The following BIN2 variants were observed in gnomAD, a reference collection of about 807,000 sequenced individuals.
BIN2 encodes bridging integrator 2, also known as breast cancer associated protein BRAP1.
Under a neutral mutation model 67.9 loss-of-function variants are expected in BIN2, and 43 were observed. The observed-to-expected ratio is 0.63, with a 90% CI of 0.50 to 0.82. The LOEUF (loss-of-function observed/expected upper bound fraction) is 0.82. Ranked by LOEUF, BIN2 falls within the 40% of genes least tolerant of loss-of-function variation. BIN2 has a pLI of 0.00. For synonymous variants in BIN2, 244 were observed against 246.8 expected (o/e 0.99, Z 0.11); for missense variants, 581 against 671.6 (o/e 0.87, Z 1.49).
chr12:51,321,404 CT>C (rs879721709), intron 1 of BIN2, among the ~76,000 whole-genome samples: 139 of 144,964 alleles, frequency 9.6e-4, no homozygotes, highest in Middle Eastern at 3.6e-3. Context: ...ATCACTTTGT[CT>C]TTTTTTTTTT....
chr12:51,287,231 G>C lies in BIN2; in HGVS notation c.1596+877C>G, dbSNP rs545131325. On this transcript the variant is annotated intron_variant, in intron 11 of 12. Coordinates refer to ENST00000615107, the MANE Select transcript of BIN2 (RefSeq NM_016293.4). ...ACAGGTGTGATCGTAGCATACTACA[G>C]TGTCGAACACCTGGGCTCAAGTGAT... 1.7e-3 allele frequency among the ~76,000 whole-genome samples: 260 copies of C among 152,168 alleles called. 5 individuals carry two copies. In the South Asian group the frequency reaches 0.052, roughly 30 times the overall value.
At chr12:51,323,723 T>C (rs542304661) in intron 1 of BIN2, among the ~76,000 whole-genome samples, 56 of 152,382 alleles carry the variant, frequency 3.7e-4, no homozygotes, top group Non-Finnish European at 7.1e-4. Flanking sequence ...CTTCCTTTCT[T>C]TCACCTTTTC....
At chr12:51,299,095 G>A (rs1945648630) in intron 7 of BIN2, 108 bp downstream of exon 7, 3 of 653,022 alleles carry the variant, frequency 4.6e-6, no homozygotes, top group Admixed American at 3.4e-5. Context: ...AAAAGGGGGC[G>A]GGGCAGTGTG....
chr12:51,320,472 T>C (rs1946241843), intron 1 of BIN2, among the ~76,000 whole-genome samples: 1 of 152,184 alleles, frequency 6.6e-6, no homozygotes. Context: ...CTGGCACTTC[T>C]CAGCTAGAAT....
Position 51,291,931 on chromosome 12 carries a change from C to T in BIN2, c.1175G>A (p.Arg392His), listed in dbSNP as rs146877980. 6.3e-5 allele frequency: 101 copies of T among 1,614,144 alleles called. No individual in the cohort carries two copies. In the African/African-American group the frequency reaches 1.1e-3, roughly 17 times the overall value. The change falls in exon 10 of 13, where the codon CGC becomes CAC. Residue 392 changes from arginine (R) to histidine (H), a missense_variant. Coordinates refer to ENST00000615107, the MANE Select transcript of BIN2 (RefSeq NM_016293.4). The part of the protein sequence containing the change: ...SSATEVVLRT[R>H]TASEGSEQPK... ...TTGTTCAGATCCTTCACTTGCGGTG[C>T]GGGTTCGGAGGACTACTTCTGTGGC...
chr12:51,316,453 G>A (rs1946136253), intron 1 of BIN2, among the ~76,000 whole-genome samples: 1 of 151,940 alleles, frequency 6.6e-6, no homozygotes, highest in Admixed American at 6.6e-5. Context: ...CCAAGATTGT[G>A]TCACTGCACT....
intron 12 of BIN2, among the ~76,000 whole-genome samples, chr12:51,282,238 G>A (rs1945134045): frequency 7.2e-6 from 1 of 139,418 alleles, no homozygotes; most frequent in East Asian, 2.2e-4. Context: ...TGTATGTTGT[G>A]TATATGTGTG....
At chr12:51,288,334 G>C (rs917802078) in intron 10 of BIN2, 146 bp from the exon 11 acceptor site, 5 of 623,064 alleles carry the variant, frequency 8.0e-6, no homozygotes, top group Non-Finnish European at 1.4e-5. Context: ...TAGTAGGGTG[G>C]TGTGATCTAA....
At position 51,320,936 on chromosome 12, in the gene BIN2, A is replaced by ACACACACACACACATACACACACAC. The variant is rs1031506424; in HGVS notation, c.81+3085_81+3086insGTGTGTGTGTATGTGTGTGTGTGTG. ...AAATGAGAAGATGTATCATACTAAA[A>ACACACACACACACATACACACACAC]ACACACACACACACACAAACACACA... On this transcript the variant is annotated intron_variant, in intron 1 of 12. Coordinates refer to ENST00000615107, the MANE Select transcript of BIN2 (RefSeq NM_016293.4). Among the ~76,000 whole-genome samples the ACACACACACACACATACACACACAC allele has an allele frequency of 2.2e-5, 3 of 138,818 alleles. No individual in the cohort carries two copies. The East Asian group carries it at 6.3e-4, about 29-fold the overall frequency. 91.1% of individuals were successfully genotyped at this position (138,818 alleles called of 152,430 possible).
Position 51,324,090 on chromosome 12 carries a change from T to C in BIN2, c.13A>G (p.Lys5Glu). The C allele has an allele frequency of 6.2e-7, 1 of 1,613,420 alleles. No homozygotes were observed. The highest frequency in any genetic ancestry group is 8.5e-7 in the Non-Finnish European group (1 of 1,179,652). The change falls in exon 1 of 13, where the codon AAG becomes GAG. Residue 5 changes from lysine (K) to glutamate (E), a missense_variant. Transcript: ENST00000615107. MAEG[K>E]AGGAAGLFAK... The stretch of plus-strand genomic sequence containing the variant: ...AAGAGGCCGGCCGCGCCGCCTGCCT[T>C]GCCCTCTGCCATCCTGCCAACTCCC...
chr12:51,298,221 AC>A (rs1391168225), intron 7 of BIN2, among the ~76,000 whole-genome samples: 2 of 152,068 alleles, frequency 1.3e-5, no homozygotes, highest in African/African-American at 4.8e-5. Context: ...AAATACAAAA[AC>A]TTAGCTGGAC....
intron 10 of BIN2, among the ~76,000 whole-genome samples, chr12:51,290,978 G>A (rs879899497): frequency 1.3e-4 from 19 of 147,556 alleles, no homozygotes; most frequent in Non-Finnish European, 2.2e-4. Flanking sequence ...GAGAAACCCC[G>A]TCTCTACTAA....
Position 51,295,778 on chromosome 12 carries a change from G to T in BIN2, c.761+18C>A. 1.2e-6 allele frequency: 2 copies of T among 1,610,134 alleles called. No homozygotes were observed. The highest frequency in any genetic ancestry group is 1.7e-6 in the Non-Finnish European group (2 of 1,177,940). On this transcript the variant is annotated intron_variant, in intron 9 of 12. Coordinates refer to ENST00000615107, the MANE Select transcript of BIN2 (RefSeq NM_016293.4). ...CACACAGGACAAGCGAAGCAAAAAA[G>T]TCTTGGATGCTGCTCACCTTGACAG...
chr12:51,295,577 AATATATATATATATATATAT>A (rs1163870830), intron 9 of BIN2, among the ~76,000 whole-genome samples, 199 bp downstream of exon 9: 23 of 29,540 alleles, frequency 7.8e-4, no homozygotes, highest in South Asian at 1.2e-3. Flanking sequence ...AAAAAAAAAA[AATATATATATATATATATAT>A]ATATATATAT....
intron 11 of BIN2, among the ~76,000 whole-genome samples, chr12:51,285,716 C>T (rs1565668484): frequency 2.0e-5 from 3 of 151,344 alleles, no homozygotes; most frequent in African/African-American, 7.3e-5. Flanking sequence ...CTCCACCTCC[C>T]AGGTTCAAGC....
At chr12:51,315,030 A>T (rs1246360681) in intron 1 of BIN2, among the ~76,000 whole-genome samples, 2 of 151,278 alleles carry the variant, frequency 1.3e-5, no homozygotes, top group African/African-American at 2.4e-5. Context: ...ATTTTTAAAA[A>T]TTTTCTGTAG....
At chr12:51,322,827 C>A (rs1946321871) in intron 1 of BIN2, 1 of 152,126 alleles carries the variant, frequency 6.6e-6, no homozygotes, top group Admixed American at 6.6e-5. Flanking sequence ...TTTCACATGA[C>A]CTCAAATGAT....
At chr12:51,304,798 C>CTT (rs1945825094) in intron 2 of BIN2, among the ~76,000 whole-genome samples, 1 of 148,170 alleles carries the variant, frequency 6.7e-6, no homozygotes, top group African/African-American at 2.5e-5. Flanking sequence ...GGGCGGATCA[C>CTT]GAGGTCAGGA....
intron 9 of BIN2, among the ~76,000 whole-genome samples, chr12:51,294,542 G>C (rs1945481337): frequency 6.6e-6 from 1 of 150,652 alleles, no homozygotes. Context: ...ACTCCAGCCT[G>C]GGTGACAGAG....
Sources: allele counts gnomAD v4.1 joint callset (sites outside exome capture counted in the v4.1 genomes callset), GRCh38; gene constraint gnomAD v4.1.1; transcripts MANE v1.5; gene names NCBI Gene and HGNC (gene_info 2026-07-23, HGNC 2026-07-21).